The following C12orf42 variants were observed in gnomAD, a reference collection of about 807,000 sequenced individuals.
C12orf42 encodes the protein chromosome 12 open reading frame 42.
C12orf42 carries 25 observed loss-of-function variants against 21.6 expected under a neutral mutation model. The ratio of observed to expected loss-of-function variants is 1.16; its 90% CI spans 0.84 to 1.62. C12orf42 has a LOEUF of 1.62. Among genes scored for constraint, C12orf42 ranks in the 40% most tolerant of loss-of-function variants. The pLI is 0.00. For synonymous variants in C12orf42, 174 were observed against 175.0 expected, an observed-to-expected ratio of 0.99 and a Z score of 0.05; for missense variants, 483 against 459.3, an observed-to-expected ratio of 1.05 and a Z score of -0.47.
At chr12:103,443,526 C>G (rs1422310857) in intron 2 of C12orf42, among the ~76,000 whole-genome samples, 1 of 152,086 alleles carries the variant, frequency 6.6e-6, no homozygotes, top group African/African-American at 2.4e-5. Flanking sequence ...GCACAAGCCT[C>G]ATCTAACCCT....
At chr12:103,369,394 A>G (rs574960728) in intron 3 of C12orf42, among the ~76,000 whole-genome samples, 15 of 152,186 alleles carry the variant, frequency 9.9e-5, no homozygotes, top group African/African-American at 2.6e-4. Flanking sequence ...TGATTTTTCT[A>G]TTGCTAAGAT....
chr12:103,343,971 T>C (rs1249822484), intron 4 of C12orf42, among the ~76,000 whole-genome samples: 1 of 152,170 alleles, frequency 6.6e-6, no homozygotes, highest in East Asian at 1.9e-4. Context: ...CCAATTAGTA[T>C]ATCTGTGTGC....
chr12:103,294,598 A>AAGAAAG, intron 4 of C12orf42, among the ~76,000 whole-genome samples: 1 of 138,938 alleles, frequency 7.2e-6, no homozygotes, highest in South Asian at 2.4e-4. Context: ...GAAAGAAAGA[A>AAGAAAG]AGAAAGAAAG....
the C12orf42 span, among the ~76,000 whole-genome samples, chr12:103,186,103 A>C: frequency 6.6e-6 from 1 of 152,174 alleles, no homozygotes; most frequent in Non-Finnish European, 1.5e-5. Context: ...GGACATACAA[A>C]AGAAGTTATT....
chr12:103,476,229 A>G (rs1169042937), intron 2 of C12orf42, among the ~76,000 whole-genome samples: 1 of 152,224 alleles, frequency 6.6e-6, no homozygotes, highest in African/African-American at 2.4e-5. Flanking sequence ...TCCTGCGGAA[A>G]ATAACAGCTC....
downstream of C12orf42, among the ~76,000 whole-genome samples, chr12:103,267,304 G>A (rs978195253): frequency 2.6e-5 from 4 of 152,134 alleles, no homozygotes. Context: ...CTAATGGAAA[G>A]AGAGACCCTA....
the C12orf42 span, among the ~76,000 whole-genome samples, chr12:103,535,958 A>G: frequency 6.6e-6 from 1 of 152,038 alleles, no homozygotes; most frequent in Non-Finnish European, 1.5e-5. Context: ...ACTTTTTATT[A>G]TTTGTAGAGA....
At chr12:103,257,585 A>G (rs1448041635) in intron 10 of C12orf42, among the ~76,000 whole-genome samples, 1 of 150,648 alleles carries the variant, frequency 6.6e-6, no homozygotes, top group Non-Finnish European at 1.5e-5. Flanking sequence ...AGAACATATC[A>G]TTTTGAAAAT....
chr12:103,385,779 G>A (rs2046561986), intron 3 of C12orf42, among the ~76,000 whole-genome samples: 1 of 152,086 alleles, frequency 6.6e-6, no homozygotes, highest in African/African-American at 2.4e-5. Context: ...TACTTGTAAG[G>A]AGAATGGTAA....
At chr12:103,277,404 T>C (rs2035834601) in intron 4 of C12orf42, among the ~76,000 whole-genome samples, 2 of 152,180 alleles carry the variant, frequency 1.3e-5, no homozygotes, top group South Asian at 2.1e-4. Flanking sequence ...GGTTAAACTA[T>C]CGTATCTGCT....
the C12orf42 span, among the ~76,000 whole-genome samples, chr12:103,536,784 C>T: frequency 6.6e-6 from 1 of 152,156 alleles, no homozygotes; most frequent in Admixed American, 6.5e-5. Flanking sequence ...CCAGGTGACT[C>T]CCCACCTTTT....
In C12orf42 at chr12:103,280,588, C is replaced by G. The variant is rs561566382; in HGVS notation, n.338-3378G>C. On this transcript the variant is annotated intron_variant and non_coding_transcript_variant, in intron 4 of 6. Coordinates refer to the C12orf42 transcript ENST00000546526. ...GAGCTGAGACTGCACCACTGCACTC[C>G]AACCTGGGTGACAGAGTGAGACTCC... 2.0e-4 allele frequency among the ~76,000 whole-genome samples: 30 copies of G among 152,202 alleles called. No homozygotes were observed. In the South Asian group the frequency reaches 6.2e-3, roughly 32 times the overall value.
At chr12:103,548,082 T>C in the C12orf42 span, among the ~76,000 whole-genome samples, 32,203 of 152,188 alleles carry the variant, frequency 0.21, 3,619 homozygotes, top group East Asian at 0.39. Context: ...TAATCTGAAT[T>C]GACACTGGGC....
chr12:103,328,995 G>C (rs1005203642), intron 4 of C12orf42, among the ~76,000 whole-genome samples: 1 of 152,332 alleles, frequency 6.6e-6, no homozygotes, highest in East Asian at 1.9e-4. Flanking sequence ...AGAATATCCT[G>C]ATCTGGTGAG....
the C12orf42 span, among the ~76,000 whole-genome samples, chr12:103,540,348 A>G: frequency 2.0e-5 from 3 of 152,154 alleles, no homozygotes; most frequent in Non-Finnish European, 2.9e-5. Flanking sequence ...CTTCCATATT[A>G]TTACTGATAC....
In C12orf42 at chr12:103,389,347, C is replaced by T. The variant is rs1048728634; in HGVS notation, c.147+12260G>A. On this transcript the variant is annotated intron_variant, in intron 3 of 5. Coordinates refer to ENST00000548883, the MANE Select transcript of C12orf42 (RefSeq NM_198521.5). Reference sequence around the variant, plus strand: ...AAATATCATTAAAGAGTCAGATCCACAATGACTCTGTTCCCCATCGTGACA... The same window carrying T: ...AAATATCATTAAAGAGTCAGATCCATAATGACTCTGTTCCCCATCGTGACA... Among the ~76,000 whole-genome samples the T allele has an allele frequency of 3.3e-5, 5 of 152,198 alleles. No individual in the cohort carries two copies. The East Asian group carries it at 9.6e-4, about 29-fold the overall frequency.
the C12orf42 span, among the ~76,000 whole-genome samples, chr12:103,138,808 T>C: frequency 2.0e-5 from 3 of 152,142 alleles, no homozygotes; most frequent in Admixed American, 2.0e-4. Context: ...CTCTGGCCTC[T>C]CTCTTGCATC....
chr12:103,335,207 A>G (rs2041587626), intron 4 of C12orf42, among the ~76,000 whole-genome samples: 1 of 152,248 alleles, frequency 6.6e-6, no homozygotes, highest in Non-Finnish European at 1.5e-5. Context: ...TGAACAACAG[A>G]GTGCTTTCTG....
At chr12:103,066,595 G>C in the C12orf42 span, among the ~76,000 whole-genome samples, 2 of 152,216 alleles carry the variant, frequency 1.3e-5, no homozygotes, top group Non-Finnish European at 2.9e-5. Flanking sequence ...TCTTCCCAGT[G>C]GGCAGAACTT....
Sources: gnomAD v4.1 joint callset for allele counts (sites outside exome capture counted in the v4.1 genomes callset) on GRCh38, gnomAD v4.1.1 for gene constraint, MANE v1.5 for transcripts, NCBI Gene and HGNC (gene_info 2026-07-23, HGNC 2026-07-21) for gene names.